The following EDEM2 variants were observed in gnomAD, a reference collection of about 807,000 sequenced individuals.
The protein encoded by EDEM2 is ER degradation enhancing alpha-mannosidase like protein 2.
EDEM2 carries 39 observed loss-of-function variants against 64.8 expected under a neutral mutation model. The observed-to-expected ratio is 0.60, with a 90% CI of 0.47 to 0.79. The LOEUF is 0.79. Ranked by LOEUF, EDEM2 falls within the 30% of genes least tolerant of loss-of-function variation. The pLI is 0.00. For synonymous variants in EDEM2, 296 were observed against 291.5 expected, an observed-to-expected ratio of 1.02 and a Z score of -0.16; for missense variants, 609 against 731.3, an observed-to-expected ratio of 0.83 and a Z score of 1.93.
chr20:35,145,616 G>A (rs1349830053), intron 2 of EDEM2, among the ~76,000 whole-genome samples: 1 of 152,214 alleles, frequency 6.6e-6, no homozygotes, highest in African/African-American at 2.4e-5. Context: ...GCAATTGTTA[G>A]GGTCAGTGGT....
intron 6 of EDEM2, 30 bp from the exon 7 acceptor site, chr20:35,131,813 C>T (rs760031914): frequency 4.4e-5 from 70 of 1,604,780 alleles, no homozygotes; most frequent in Non-Finnish European, 5.3e-5. Flanking sequence ...ACGGTCCCAA[C>T]GGGAAGGCCG....
At chr20:35,145,057 A>G in intron 2 of EDEM2, 39 bp from the exon 3 acceptor site, 1 of 1,610,140 alleles carries the variant, frequency 6.2e-7, no homozygotes, top group Non-Finnish European at 8.5e-7. Context: ...TAGTAAGAAA[A>G]TCAAATACCA....
intron 10 of EDEM2, among the ~76,000 whole-genome samples, chr20:35,116,487 C>T (rs377150962): frequency 1.3e-3 from 197 of 152,316 alleles, no homozygotes; most frequent in African/African-American, 4.5e-3. Flanking sequence ...GCTAGCACAG[C>T]ACCCTCCTGC....
At chr20:35,137,489 T>C (rs1306682921) in intron 5 of EDEM2, among the ~76,000 whole-genome samples, 1 of 152,082 alleles carries the variant, frequency 6.6e-6, no homozygotes, top group Non-Finnish European at 1.5e-5. Flanking sequence ...GAGCTGAGTC[T>C]AGAATCCAGG....
chr20:35,134,611 C>T, intron 6 of EDEM2, 127 bp downstream of exon 6: 1 of 1,081,090 alleles, frequency 9.2e-7, no homozygotes, highest in Non-Finnish European at 1.3e-6. Context: ...TTTTGGTGTC[C>T]TGAGCCCAAA....
At chr20:35,127,590 A>C (rs1420061257) in intron 7 of EDEM2, among the ~76,000 whole-genome samples, 2 of 152,242 alleles carry the variant, frequency 1.3e-5, no homozygotes, top group African/African-American at 4.8e-5. Flanking sequence ...AATAAATAAG[A>C]TAATCTCAAA....
intron 3 of EDEM2, 118 bp downstream of exon 3, chr20:35,144,861 G>T: frequency 8.6e-7 from 1 of 1,160,548 alleles, no homozygotes; most frequent in African/African-American, 1.5e-5. Context: ...AGAATCATGA[G>T]ATGCAAATAA....
Position 35,142,495 on chromosome 20 carries a change from G to T in EDEM2, c.259-17C>A, listed in dbSNP as rs766916281. ...CCCCAAAATCTGGAAATAAAAAAGA[G>T]ACCTGACAATGAGGCTCTTACATGC... On this transcript the variant is annotated splice_polypyrimidine_tract_variant and intron_variant, in intron 3 of 10. Coordinates refer to ENST00000374492, the MANE Select transcript of EDEM2 (RefSeq NM_018217.3). 6.3e-7 allele frequency: 1 copy of T among 1,597,340 alleles called. No homozygotes were observed. The highest frequency in any genetic ancestry group is 2.2e-5 in the East Asian group (1 of 44,816).
chr20:35,128,014 C>A (rs556834290), intron 7 of EDEM2, among the ~76,000 whole-genome samples: 1 of 152,246 alleles, frequency 6.6e-6, no homozygotes, highest in South Asian at 2.1e-4. Flanking sequence ...ATGTATAGTA[C>A]GTGATATTTA....
chr20:35,137,508 T>G (rs1600714501), intron 5 of EDEM2, among the ~76,000 whole-genome samples: 1 of 152,190 alleles, frequency 6.6e-6, no homozygotes, highest in Admixed American at 6.5e-5. Flanking sequence ...GGGCTGCTAA[T>G]GCTCACACCA....
chr20:35,126,268 A>G lies in EDEM2; in HGVS notation c.952T>C (p.Tyr318His), dbSNP rs1569176880. The change falls in exon 8 of 11, where the codon TAC becomes CAC. Residue 318 changes from tyrosine (Y) to histidine (H), a missense_variant. Physicochemically the swap from Tyr to His is moderately conservative, Grantham distance 83. Coordinates refer to ENST00000374492, the MANE Select transcript of EDEM2 (RefSeq NM_018217.3). ...SMPVFQSLEA[Y>H]WPGLQSLIGD... Reference sequence around the variant, plus strand: ...ATTCCTACCTGAAGACCAGGCCAGTAGGCCTCCAAGGACTGGAAGACTGGC... The same window carrying G: ...ATTCCTACCTGAAGACCAGGCCAGTGGGCCTCCAAGGACTGGAAGACTGGC... 3 of 1,613,952 alleles carry G rather than the reference A, an allele frequency of 1.9e-6. No individual in the cohort carries two copies. The highest frequency in any genetic ancestry group is 2.5e-6 in the Non-Finnish European group (3 of 1,180,012).
chr20:35,121,280 G>C (rs1353555352), intron 9 of EDEM2, among the ~76,000 whole-genome samples: 2 of 152,180 alleles, frequency 1.3e-5, no homozygotes, highest in Non-Finnish European at 2.9e-5. Context: ...ATGGATGACA[G>C]TGACAGATCA....
chr20:35,120,769 T>A (rs1288881982), intron 9 of EDEM2, among the ~76,000 whole-genome samples: 2 of 152,136 alleles, frequency 1.3e-5, no homozygotes, highest in Non-Finnish European at 2.9e-5. Context: ...GGCTAATTTT[T>A]GTATTTTTAG....
At chr20:35,140,290 C>T (rs1311091573) in intron 4 of EDEM2, among the ~76,000 whole-genome samples, 1 of 152,174 alleles carries the variant, frequency 6.6e-6, no homozygotes, top group Non-Finnish European at 1.5e-5. Context: ...TTGAGACCAG[C>T]CTGGCCAATG....
rs752486438 is a variant in EDEM2, at chr20:35,147,164, G to A, written c.95C>T (p.Pro32Leu). ...APGPDGSAPDPAHYRERVKAM... is the reference protein window; with the variant it reads ...APGPDGSAPDLAHYRERVKAM... ...GGTCACAGTTCACCTGTAGTGGGCG[G>A]GATCTGGCGCGGAGCCGTCGGGACC... The change falls in exon 1 of 11, where the codon CCC becomes CTC. Residue 32 changes from proline to leucine, a missense_variant. By Grantham distance (98) the Pro-to-Leu change is moderately conservative (BLOSUM62 -3). Coordinates refer to ENST00000374492, the MANE Select transcript of EDEM2 (RefSeq NM_018217.3). 1.9e-6 allele frequency: 3 copies of A among 1,602,018 alleles called. No individual in the cohort carries two copies. Among genetic ancestry groups the A allele is most frequent in the South Asian group, 1.1e-5 (1 of 89,858 alleles).
In EDEM2 at chr20:35,142,947, G is replaced by A. The variant is rs563737886; in HGVS notation, c.259-469C>T. Among the ~76,000 whole-genome samples, 20 of 152,126 alleles carry A rather than the reference G, an allele frequency of 1.3e-4. No homozygotes were observed. In the South Asian group the frequency reaches 4.2e-3, roughly 32 times the overall value. On this transcript the variant is annotated intron_variant, in intron 3 of 10. Coordinates refer to ENST00000374492, the MANE Select transcript of EDEM2 (RefSeq NM_018217.3). Reference sequence around the variant, plus strand: ...TAATTTTTGTATTTTTAGTAGAGACGGGGTTTCACCATGTTGATCAGGCTG... The same window carrying A: ...TAATTTTTGTATTTTTAGTAGAGACAGGGTTTCACCATGTTGATCAGGCTG...
intron 7 of EDEM2, among the ~76,000 whole-genome samples, chr20:35,127,261 T>G (rs1386418866): frequency 6.6e-6 from 1 of 152,204 alleles, no homozygotes; most frequent in Non-Finnish European, 1.5e-5. Flanking sequence ...CAGTCTTGAG[T>G]ACGTCTTTAT....
chr20:35,118,434 C>T, intron 10 of EDEM2, 164 bp downstream of exon 10: 3 of 1,041,066 alleles, frequency 2.9e-6, no homozygotes, highest in Non-Finnish European at 4.2e-6. Flanking sequence ...CACTTAGCTT[C>T]TCTGTTCTTT....
At chr20:35,137,495 C>T (rs2085593119) in intron 5 of EDEM2, among the ~76,000 whole-genome samples, 1 of 151,844 alleles carries the variant, frequency 6.6e-6, no homozygotes. Flanking sequence ...AGTCTAGAAT[C>T]CAGGGCTGCT....
Sources: gnomAD v4.1 joint callset for allele counts (sites outside exome capture counted in the v4.1 genomes callset) on GRCh38, gnomAD v4.1.1 for gene constraint, MANE v1.5 for transcripts, NCBI Gene and HGNC (gene_info 2026-07-23, HGNC 2026-07-21) for gene names.